Variants in SCHIP1 observed in about 807,000 individuals in gnomAD.
SCHIP1 encodes schwannomin interacting protein 1, also known as schwannomin-interacting protein 1.
SCHIP1 carries 8 observed loss-of-function variants against 29.7 expected under a neutral mutation model. The observed-to-expected ratio is 0.27, with a 90% CI of 0.16 to 0.49. The LOEUF (loss-of-function observed/expected upper bound fraction) is 0.49, where lower values mean the gene tolerates loss of function less well. Ranked by LOEUF, SCHIP1 falls within the 20% of genes least tolerant of loss-of-function variation. The pLI is 0.99. For missense variants in SCHIP1, 193 were observed against 294.6 expected (o/e 0.66, Z 2.52); for synonymous variants, 76 against 94.9 (o/e 0.80, Z 1.16).
chr3:159,719,452 C>G, the SCHIP1 span, among the ~76,000 whole-genome samples: 2 of 152,174 alleles, frequency 1.3e-5, no homozygotes, highest in East Asian at 3.8e-4. Context: ...AGGCAACCTA[C>G]AGAATGGGAG....
chr3:159,382,260 A>T, the SCHIP1 span, among the ~76,000 whole-genome samples: 2 of 112,380 alleles, frequency 1.8e-5, no homozygotes, highest in Non-Finnish European at 1.8e-5. Context: ...CTCCCCCCTC[A>T]CCCCACCCCA....
chr3:159,462,033 A>G, the SCHIP1 span, among the ~76,000 whole-genome samples: 1 of 151,948 alleles, frequency 6.6e-6, no homozygotes, highest in Non-Finnish European at 1.5e-5. Context: ...AACATGGTGA[A>G]ACCCCATCTC....
the SCHIP1 span, among the ~76,000 whole-genome samples, chr3:159,788,113 T>G: frequency 2.4e-4 from 37 of 152,328 alleles, no homozygotes; most frequent in African/African-American, 8.7e-4. Context: ...TAAGCTCTGC[T>G]GCTGTTTTGA....
At chr3:159,598,363 AAGTT>A in the SCHIP1 span, among the ~76,000 whole-genome samples, 1 of 152,158 alleles carries the variant, frequency 6.6e-6, no homozygotes, top group African/African-American at 2.4e-5. Flanking sequence ...TATCAAAAGC[AAGTT>A]AGTTACCTCC....
the SCHIP1 span, among the ~76,000 whole-genome samples, chr3:159,789,048 C>T: frequency 6.6e-5 from 10 of 152,138 alleles, no homozygotes; most frequent in Non-Finnish European, 1.5e-4. Flanking sequence ...ATTTGAGACA[C>T]TTCTAGTCCC....
At chr3:159,595,163 A>T in the SCHIP1 span, among the ~76,000 whole-genome samples, 2 of 152,170 alleles carry the variant, frequency 1.3e-5, no homozygotes, top group Non-Finnish European at 2.9e-5. Context: ...ACTGCTGATT[A>T]TATGTGCTTC....
the SCHIP1 span, among the ~76,000 whole-genome samples, chr3:159,463,096 T>C: frequency 6.6e-6 from 1 of 151,696 alleles, no homozygotes; most frequent in Admixed American, 6.6e-5. Flanking sequence ...CTGTAGAATA[T>C]TGTCAATCTC....
chr3:159,817,232 T>C, the SCHIP1 span, among the ~76,000 whole-genome samples: 4 of 152,192 alleles, frequency 2.6e-5, no homozygotes, highest in Non-Finnish European at 4.4e-5. Context: ...GGTAAAGAAT[T>C]TTCTTTTGCA....
the SCHIP1 span, among the ~76,000 whole-genome samples, chr3:159,333,475 G>GTGT: frequency 2.6e-5 from 4 of 151,872 alleles, no homozygotes; most frequent in Non-Finnish European, 5.9e-5. Flanking sequence ...ACATTAATCA[G>GTGT]AGTTCAGCTA....
At chr3:159,789,039 T>C in the SCHIP1 span, among the ~76,000 whole-genome samples, 1 of 152,132 alleles carries the variant, frequency 6.6e-6, no homozygotes, top group African/African-American at 2.4e-5. Context: ...AAATCCAACA[T>C]TTGAGACACT....
chr3:159,430,005 G>T, the SCHIP1 span, among the ~76,000 whole-genome samples: 1 of 152,130 alleles, frequency 6.6e-6, no homozygotes, highest in African/African-American at 2.4e-5. Flanking sequence ...ACTGAGCAAA[G>T]GTGACTAAAG....
chr3:159,593,482 T>C, the SCHIP1 span, among the ~76,000 whole-genome samples: 3 of 152,138 alleles, frequency 2.0e-5, no homozygotes, highest in South Asian at 6.2e-4. Context: ...GCCTCCATCA[T>C]CAAGCAGCCA....
chr3:159,466,603 A>G, the SCHIP1 span, among the ~76,000 whole-genome samples: 1 of 152,180 alleles, frequency 6.6e-6, no homozygotes, highest in East Asian at 1.9e-4. Flanking sequence ...AAGGAAGTAC[A>G]TATGACTGCA....
At chr3:159,433,397 C>A in the SCHIP1 span, among the ~76,000 whole-genome samples, 1 of 152,058 alleles carries the variant, frequency 6.6e-6, no homozygotes, top group Admixed American at 6.6e-5. Context: ...AAGGGATGAC[C>A]GCTTAAGAGC....
At chr3:159,559,863 C>A in the SCHIP1 span, among the ~76,000 whole-genome samples, 46 of 152,078 alleles carry the variant, frequency 3.0e-4, no homozygotes, top group African/African-American at 1.0e-3. Context: ...TTGTAGTTGG[C>A]CAAATTTTAG....
chr3:159,492,513 G>C, the SCHIP1 span, among the ~76,000 whole-genome samples: 1 of 152,120 alleles, frequency 6.6e-6, no homozygotes, highest in Non-Finnish European at 1.5e-5. Context: ...GATGGAAGAT[G>C]AAATGAATGA....
At chr3:159,580,540 TC>T in the SCHIP1 span, among the ~76,000 whole-genome samples, 18 of 152,220 alleles carry the variant, frequency 1.2e-4, no homozygotes, top group Non-Finnish European at 2.2e-4. Context: ...TTGAAATGTC[TC>T]ATAAAATATT....
the SCHIP1 span, among the ~76,000 whole-genome samples, chr3:159,379,561 T>C: frequency 6.6e-6 from 1 of 152,218 alleles, no homozygotes; most frequent in African/African-American, 2.4e-5. Flanking sequence ...TATTTAGGGC[T>C]TTCATATGAT....
chr3:159,508,182 G>C, the SCHIP1 span, among the ~76,000 whole-genome samples: 1 of 152,068 alleles, frequency 6.6e-6, no homozygotes, highest in Non-Finnish European at 1.5e-5. Flanking sequence ...ACTTCTTCTT[G>C]GTTTAGTCTT....
Sources: allele counts gnomAD v4.1 joint callset (sites outside exome capture counted in the v4.1 genomes callset), GRCh38; gene constraint gnomAD v4.1.1; transcripts MANE v1.5; gene names NCBI Gene and HGNC (gene_info 2026-07-23, HGNC 2026-07-21).